USP39: variants seen among roughly 807,000 people sequenced by gnomAD.
The protein encoded by USP39 is ubiquitin carboxyl-terminal hydrolase 39.
A neutral mutation model predicts 66.4 loss-of-function variants in USP39; 38 were observed. The ratio of observed to expected loss-of-function variants is 0.57; its 90% CI spans 0.44 to 0.75. The LOEUF is 0.75. Ranked by LOEUF, USP39 falls within the 30% of genes least tolerant of loss-of-function variation. USP39 has a pLI of 0.00. For missense variants in USP39, 608 were observed against 714.4 expected (o/e 0.85, Z 1.70); for synonymous variants, 303 against 274.6 (o/e 1.10, Z -1.02).
At chr2:85,615,327 C>T (rs963762257), upstream of USP39, among the ~76,000 whole-genome samples, 1 of 151,940 alleles carries the variant, frequency 6.6e-6, no homozygotes, top group Non-Finnish European at 1.5e-5. Flanking sequence ...GCCTAAATTG[C>T]ACACTTTAAA....
upstream of USP39, chr2:85,609,633 A>C: frequency 6.2e-7 from 1 of 1,610,300 alleles, no homozygotes; most frequent in Non-Finnish European, 8.5e-7. Context: ...GGTGCTGCTG[A>C]AGGCCCTGTC....
At chr2:85,626,524 C>T (rs1205955690) in intron 5 of USP39, among the ~76,000 whole-genome samples, 2 of 152,158 alleles carry the variant, frequency 1.3e-5, no homozygotes, top group African/African-American at 2.4e-5. Flanking sequence ...GCCTCTGGCT[C>T]ATGGCATCTG....
At chr2:85,622,886 G>A (rs1418577479) in intron 3 of USP39, among the ~76,000 whole-genome samples, 3 of 152,134 alleles carry the variant, frequency 2.0e-5, no homozygotes, top group African/African-American at 4.8e-5. Context: ...CAAAAAAAGA[G>A]ATAAAAACTG....
intron 1 of USP39, 148 bp from the exon 2 acceptor site, chr2:85,619,072 G>A (rs560467043): frequency 1.2e-6 from 1 of 857,886 alleles, no homozygotes; most frequent in East Asian, 2.7e-5. Flanking sequence ...CGCCCGGCTA[G>A]TGGACTTTTT....
chr2:85,642,663 A>G (rs867062730), intron 10 of USP39, among the ~76,000 whole-genome samples: 3 of 152,224 alleles, frequency 2.0e-5, no homozygotes, highest in Non-Finnish European at 4.4e-5. Flanking sequence ...GGAAACTTGC[A>G]CTTTAATTAT....
At chr2:85,631,805 G>A (rs1282383996) in intron 6 of USP39, among the ~76,000 whole-genome samples, 1 of 151,892 alleles carries the variant, frequency 6.6e-6, no homozygotes, top group Admixed American at 6.6e-5. Flanking sequence ...CTGGAGTGCA[G>A]TGGTGTGATC....
upstream of USP39, chr2:85,608,750 G>A: frequency 2.4e-6 from 1 of 420,388 alleles, no homozygotes; most frequent in Non-Finnish European, 4.0e-6. Flanking sequence ...ATATCAGGCT[G>A]GGCAAATGGG....
chr2:85,626,458 C>T (rs1264277950), intron 5 of USP39, among the ~76,000 whole-genome samples: 2 of 152,228 alleles, frequency 1.3e-5, no homozygotes, highest in East Asian at 3.8e-4. Context: ...TGTTCTGCAA[C>T]AGGCAGAGCA....
In USP39 at chr2:85,630,746, G is replaced by A. The variant is rs746933002; in HGVS notation, c.749G>A (p.Arg250Gln). Reference protein sequence around the residue: ...LQALSNVPPLRNYFLEEDNYK... With the variant: ...LQALSNVPPLQNYFLEEDNYK... ...GCTCTATCTAATGTTCCTCCTCTCC[G>A]GAACTACTTTCTGGAAGAAGACAAT... The change falls in exon 6 of 13, where the codon CGG (arginine) becomes CAG (glutamine). Residue 250 changes from arginine (R) to glutamine (Q), a missense_variant. Coordinates refer to ENST00000323701, the MANE Select transcript of USP39 (RefSeq NM_006590.4). 16 of 1,614,002 alleles carry A rather than the reference G, an allele frequency of 9.9e-6. No homozygotes were observed. The highest frequency in any genetic ancestry group is 2.2e-5 in the South Asian group (2 of 91,074).
chr2:85,607,355 A>T (rs1176899888), upstream of USP39: 1 of 152,174 alleles, frequency 6.6e-6, no homozygotes, highest in African/African-American at 2.4e-5. Context: ...TAACATTAGA[A>T]GTCAAAAGGC....
At chr2:85,609,162 C>T, upstream of USP39, 1 of 1,517,580 alleles carries the variant, frequency 6.6e-7, no homozygotes, top group Non-Finnish European at 8.9e-7. Flanking sequence ...CTCCATTTAG[C>T]TCAAGGCTTT....
chr2:85,625,469 A>T, intron 4 of USP39, 70 bp from the exon 5 acceptor site: 1 of 1,591,426 alleles, frequency 6.3e-7, no homozygotes, highest in African/African-American at 1.4e-5. Flanking sequence ...GTTTTTGTAG[A>T]AATTACTGTT....
intron 6 of USP39, among the ~76,000 whole-genome samples, chr2:85,631,501 C>T (rs114289860): frequency 0.011 from 1,609 of 151,948 alleles, 31 homozygotes; most frequent in African/African-American, 0.036. Context: ...TGAGAGTAGC[C>T]AGGAGTGTCC....
chr2:85,611,330 G>A (rs1028217885), upstream of USP39: 7 of 1,427,754 alleles, frequency 4.9e-6, no homozygotes, highest in African/African-American at 1.0e-4. Context: ...GGTTCATTCC[G>A]CAATTATGTG....
At chr2:85,625,375 A>G (rs570985230) in intron 4 of USP39, among the ~76,000 whole-genome samples, 164 bp from the exon 5 acceptor site, 1 of 151,966 alleles carries the variant, frequency 6.6e-6, no homozygotes, top group South Asian at 2.1e-4. Flanking sequence ...GAGAGGATCT[A>G]CTCCGTGTTA....
chr2:85,633,861 A>G (rs7606629), intron 6 of USP39, among the ~76,000 whole-genome samples: 5,674 of 114,158 alleles, frequency 0.05, 642 homozygotes, highest in African/African-American at 0.21. Context: ...TTTTTGAGAC[A>G]GAGTCTCGCT....
chr2:85,630,970 C>T (rs771477784), intron 6 of USP39, 24 bp downstream of exon 6: 2 of 1,600,702 alleles, frequency 1.2e-6, no homozygotes, highest in East Asian at 4.5e-5. Flanking sequence ...ATTCATGTTT[C>T]AGGACAACAA....
rs140801683 is a variant in USP39, at chr2:85,624,884, A to G, written c.571-655A>G. Among the ~76,000 whole-genome samples, 8 of 151,930 alleles carry G rather than the reference A, an allele frequency of 5.3e-5. No individual in the cohort carries two copies. The East Asian group carries it at 1.6e-3, about 29-fold the overall frequency. ...AGGCTGAGGCAGGAGAGTTGCTTGA[A>G]TCTGGGAGGGGGAGGTTGCAGTGAG... On this transcript the variant is annotated intron_variant, in intron 4 of 12. Coordinates refer to ENST00000323701, the MANE Select transcript of USP39 (RefSeq NM_006590.4).
At chr2:85,647,674 CAAAA>C (rs1231950376) in intron 11 of USP39, among the ~76,000 whole-genome samples, 3 of 145,222 alleles carry the variant, frequency 2.1e-5, no homozygotes, top group Admixed American at 1.4e-4. Flanking sequence ...AAAAAAAAAA[CAAAA>C]AAACAACAAA....
Sources: gnomAD v4.1 joint callset for allele counts (sites outside exome capture counted in the v4.1 genomes callset) on GRCh38, gnomAD v4.1.1 for gene constraint, MANE v1.5 for transcripts, NCBI Gene and HGNC (gene_info 2026-07-23, HGNC 2026-07-21) for gene names.